The following WWOX variants were observed in gnomAD, a reference collection of about 807,000 sequenced individuals.
The protein encoded by WWOX is WW domain-containing oxidoreductase.
WWOX carries 69 observed loss-of-function variants against 46.2 expected under a neutral mutation model. That is an observed-to-expected ratio of 1.49 (90% CI 1.23 to 1.82). WWOX has a LOEUF of 1.82. Ranked by LOEUF, WWOX falls within the 40% of genes most tolerant of loss-of-function variation. The probability of loss-of-function intolerance (pLI) is 0.00; values close to 1 mark genes in which losing one functional copy is unlikely to be tolerated. For synonymous variants in WWOX, 359 were observed against 202.6 expected (o/e 1.77, Z -6.56); for missense variants, 919 against 542.6 (o/e 1.69, Z -6.89).
intron 8 of WWOX, among the ~76,000 whole-genome samples, chr16:78,549,303 T>C (rs776094545): frequency 6.6e-6 from 1 of 152,230 alleles, no homozygotes; most frequent in African/African-American, 2.4e-5. Context: ...TCAAAATAAA[T>C]TCTGGGGAGC....
intron 5 of WWOX, among the ~76,000 whole-genome samples, chr16:78,352,622 T>G (rs1304858833): frequency 2.0e-5 from 3 of 152,218 alleles, no homozygotes; most frequent in African/African-American, 7.2e-5. Flanking sequence ...ATAATCTGCC[T>G]GTTTGAAGGT....
chr16:78,384,963 G>A (rs946976605), intron 5 of WWOX, among the ~76,000 whole-genome samples: 2 of 152,206 alleles, frequency 1.3e-5, no homozygotes, highest in African/African-American at 2.4e-5. Flanking sequence ...GTGAAACCCC[G>A]TCTGTACTGA....
intron 8 of WWOX, among the ~76,000 whole-genome samples, chr16:79,092,721 G>A (rs1048396474): frequency 3.9e-5 from 6 of 152,244 alleles, no homozygotes; most frequent in Non-Finnish European, 7.4e-5. Flanking sequence ...CCCCAAGACT[G>A]AACACAAAAA....
chr16:78,870,104 C>A (rs1416388177), intron 8 of WWOX, among the ~76,000 whole-genome samples: 6 of 152,136 alleles, frequency 3.9e-5, no homozygotes, highest in African/African-American at 1.4e-4. Flanking sequence ...TAAGGCCAGG[C>A]CTAAGTGCTC....
At chr16:78,280,389 A>G (rs1308952609) in intron 5 of WWOX, among the ~76,000 whole-genome samples, 1 of 152,234 alleles carries the variant, frequency 6.6e-6, no homozygotes, top group Non-Finnish European at 1.5e-5. Flanking sequence ...CTTCTGCGAA[A>G]CAGGTAAGAG....
At chr16:78,676,278 C>CT (rs2047597393) in intron 8 of WWOX, among the ~76,000 whole-genome samples, 1 of 152,012 alleles carries the variant, frequency 6.6e-6, no homozygotes, top group South Asian at 2.1e-4. Context: ...AATTAACCTG[C>CT]TACCATCCTC....
intron 4 of WWOX, among the ~76,000 whole-genome samples, chr16:78,120,810 A>G (rs1264771301): frequency 6.6e-6 from 1 of 152,198 alleles, no homozygotes; most frequent in Non-Finnish European, 1.5e-5. Flanking sequence ...CGTGAATAGA[A>G]GAAAATTACT....
At chr16:78,612,224 C>A (rs539067873) in intron 8 of WWOX, among the ~76,000 whole-genome samples, 2 of 152,082 alleles carry the variant, frequency 1.3e-5, no homozygotes, top group Admixed American at 6.5e-5. Context: ...TGTAAATGGA[C>A]AAGAATGAAA....
At chr16:79,183,460 T>C (rs2050952284) in intron 8 of WWOX, among the ~76,000 whole-genome samples, 1 of 152,220 alleles carries the variant, frequency 6.6e-6, no homozygotes. Flanking sequence ...CTCAAAGAGA[T>C]TAAATGTCTT....
chr16:78,886,176 C>T (rs949267198), intron 8 of WWOX, among the ~76,000 whole-genome samples: 19 of 151,286 alleles, frequency 1.3e-4, no homozygotes, highest in Admixed American at 7.9e-4. Flanking sequence ...CCACCCTCCT[C>T]GGCCTCCCAA....
At chr16:78,578,584 G>A (rs988113803) in intron 8 of WWOX, among the ~76,000 whole-genome samples, 6 of 151,770 alleles carry the variant, frequency 4.0e-5, no homozygotes, top group Admixed American at 2.0e-4. Context: ...CACCGCGGCT[G>A]GCGAAAATTA....
chr16:78,578,269 TATATATATATATATA>T (rs1160340427), intron 8 of WWOX, among the ~76,000 whole-genome samples: 1 of 30,062 alleles, frequency 3.3e-5, no homozygotes, highest in African/African-American at 1.1e-4. Flanking sequence ...TATATATATA[TATATATATATATATA>T]TTTTTTTTTT....
intron 6 of WWOX, among the ~76,000 whole-genome samples, chr16:78,419,044 G>A (rs780932156): frequency 2.0e-5 from 3 of 152,164 alleles, no homozygotes; most frequent in Non-Finnish European, 4.4e-5. Context: ...CTTATCTGTA[G>A]AAAATCCTAG....
intron 8 of WWOX, among the ~76,000 whole-genome samples, chr16:78,509,333 A>G (rs556664194): frequency 5.0e-4 from 76 of 151,548 alleles, no homozygotes; most frequent in Non-Finnish European, 8.1e-4. Flanking sequence ...CTAGCTACTT[A>G]GGTAGCTGAG....
intron 5 of WWOX, among the ~76,000 whole-genome samples, chr16:78,321,174 A>G (rs895909839): frequency 3.3e-5 from 5 of 151,818 alleles, no homozygotes; most frequent in African/African-American, 1.2e-4. Context: ...TTAATTGAAA[A>G]TGTATCTTTC....
intron 5 of WWOX, among the ~76,000 whole-genome samples, chr16:78,267,649 A>G (rs2079394736): frequency 6.6e-6 from 1 of 152,126 alleles, no homozygotes; most frequent in African/African-American, 2.4e-5. Context: ...GCTGCAGGAC[A>G]TCTGACACTG....
intron 8 of WWOX, among the ~76,000 whole-genome samples, chr16:78,886,194 G>A (rs34055377): frequency 6.0e-5 from 9 of 151,008 alleles, no homozygotes; most frequent in East Asian, 1.9e-4. Context: ...CAAAGTGCTC[G>A]GATTACAGGC....
chr16:78,411,213 C>T (rs372883604), intron 6 of WWOX, among the ~76,000 whole-genome samples: 7 of 152,280 alleles, frequency 4.6e-5, no homozygotes, highest in African/African-American at 1.7e-4. Flanking sequence ...AAGCAGGGAG[C>T]ATTGGGAGTC....
chr16:78,334,481 C>A (rs558374960), intron 5 of WWOX, among the ~76,000 whole-genome samples: 4 of 152,124 alleles, frequency 2.6e-5, no homozygotes, highest in Admixed American at 6.5e-5. Flanking sequence ...TGAGGTGTTA[C>A]ACAATTCATA....
Sources: allele counts gnomAD v4.1 joint callset (sites outside exome capture counted in the v4.1 genomes callset), GRCh38; gene constraint gnomAD v4.1.1; transcripts MANE v1.5; gene names NCBI Gene and HGNC (gene_info 2026-07-23, HGNC 2026-07-21).